The following TTC27 variants were observed in gnomAD, a reference collection of about 807,000 sequenced individuals.
TTC27 encodes tetratricopeptide repeat protein 27.
TTC27 carries 79 observed loss-of-function variants against 115.9 expected under a neutral mutation model. The observed-to-expected ratio is 0.68, with a 90% CI of 0.57 to 0.82. TTC27 has a LOEUF of 0.82. Ranked by LOEUF, TTC27 falls within the 40% of genes least tolerant of loss-of-function variation. The pLI, the probability that TTC27 is intolerant of heterozygous loss-of-function variation, is 0.00. For missense variants in TTC27, 1,054 were observed against 993.1 expected, an observed-to-expected ratio of 1.06 and a Z score of -0.82; for synonymous variants, 401 against 356.0, an observed-to-expected ratio of 1.13 and a Z score of -1.42.
intron 12 of TTC27, among the ~76,000 whole-genome samples, chr2:32,738,239 A>G (rs1395920745): frequency 6.6e-6 from 1 of 152,124 alleles, no homozygotes; most frequent in African/African-American, 2.4e-5. Context: ...AGCCTGCTTC[A>G]TGCTAGCTTT....
At chr2:32,790,936 A>G (rs1670514072) in intron 16 of TTC27, among the ~76,000 whole-genome samples, 1 of 152,178 alleles carries the variant, frequency 6.6e-6, no homozygotes, top group Non-Finnish European at 1.5e-5. Context: ...CTATTAGAAT[A>G]TCTCTTATTT....
intron 10 of TTC27, among the ~76,000 whole-genome samples, chr2:32,724,202 A>G (rs1326618932): frequency 6.6e-6 from 1 of 151,970 alleles, no homozygotes; most frequent in Non-Finnish European, 1.5e-5. Context: ...AAGGCATAAG[A>G]GCTTGTACTT....
At chr2:32,645,741 G>C (rs1664828790) in intron 4 of TTC27, among the ~76,000 whole-genome samples, 1 of 151,644 alleles carries the variant, frequency 6.6e-6, no homozygotes, top group African/African-American at 2.4e-5. Flanking sequence ...TTTTGAGACA[G>C]AGTTTTACTC....
At position 32,758,395 on chromosome 2, in the gene TTC27, G is replaced by C. The variant is rs1053226665; in HGVS notation, c.1556G>C (p.Trp519Ser). 1.2e-6 allele frequency: 2 copies of C among 1,614,072 alleles called. No individual in the cohort carries two copies. The highest frequency in any genetic ancestry group is 2.7e-5 in the African/African-American group (2 of 74,926). Residue 519 changes from tryptophan to serine, a missense_variant, in exon 13 of 20, where the codon TGG (tryptophan) becomes TCG (serine). Physicochemically the swap from Trp to Ser is radical, Grantham distance 177. Coordinates refer to ENST00000317907, the MANE Select transcript of TTC27 (RefSeq NM_017735.5). Reference protein sequence around the residue: ...LGDHSCYDKAWELSRYRSARA... With the variant: ...LGDHSCYDKASELSRYRSARA... ...GACCATTCTTGCTATGACAAGGCCT[G>C]GGAGTTGTCCCGGTACCGCAGTGCT...
intron 5 of TTC27, among the ~76,000 whole-genome samples, chr2:32,657,029 A>T (rs894963046): frequency 7.3e-6 from 1 of 137,258 alleles, no homozygotes; most frequent in Non-Finnish European, 1.5e-5. Flanking sequence ...TCTGTTGCCC[A>T]GGCTGGAGTA....
intron 12 of TTC27, among the ~76,000 whole-genome samples, chr2:32,743,139 G>T (rs1001572663): frequency 6.6e-6 from 1 of 151,886 alleles, no homozygotes; most frequent in Non-Finnish European, 1.5e-5. Flanking sequence ...ATAGTTGTTG[G>T]TCTGCCAATT....
intron 16 of TTC27, among the ~76,000 whole-genome samples, chr2:32,790,128 T>G (rs1427130440): frequency 6.6e-6 from 1 of 152,010 alleles, no homozygotes; most frequent in African/African-American, 2.4e-5. Flanking sequence ...AAACATATTT[T>G]AGTGGTCATA....
intron 5 of TTC27, among the ~76,000 whole-genome samples, chr2:32,657,123 C>G (rs1665353922): frequency 6.6e-6 from 1 of 151,636 alleles, no homozygotes; most frequent in Non-Finnish European, 1.5e-5. Flanking sequence ...GAAGCTGGGA[C>G]TACAGGTGCC....
rs183985625 is a variant in TTC27, at chr2:32,650,002, G to A, written c.538-129G>A. 291 of 704,216 alleles carry A rather than the reference G, an allele frequency of 4.1e-4. 2 individuals are homozygous for A. The East Asian group carries it at 6.8e-3, about 17-fold the overall frequency. 43.6% of individuals were successfully genotyped at this position (704,216 alleles called of 1,614,324 possible). On this transcript the variant is annotated intron_variant, in intron 4 of 19. Coordinates refer to ENST00000317907, the MANE Select transcript of TTC27 (RefSeq NM_017735.5). ...TGGTATTATTACTGAAGAGAGTAGT[G>A]GATGGGTAATCTTATTGAGGAATAA... is the stretch of plus-strand genomic sequence containing the variant.
At chr2:32,774,248 T>C (rs1479055868) in intron 13 of TTC27, among the ~76,000 whole-genome samples, 1 of 151,566 alleles carries the variant, frequency 6.6e-6, no homozygotes, top group Non-Finnish European at 1.5e-5. Context: ...GTGGCGTGAT[T>C]GTGGCTCACT....
intron 7 of TTC27, among the ~76,000 whole-genome samples, chr2:32,669,621 A>G (rs1665932355): frequency 2.0e-5 from 3 of 152,116 alleles, no homozygotes; most frequent in Admixed American, 1.3e-4. Flanking sequence ...GTGGTGGCTC[A>G]CGCCTGTAGT....
At chr2:32,717,410 A>G (rs1470713902) in intron 10 of TTC27, among the ~76,000 whole-genome samples, 1 of 152,216 alleles carries the variant, frequency 6.6e-6, no homozygotes, top group Non-Finnish European at 1.5e-5. Context: ...CTCCGTGTCT[A>G]AGTGTTTGCC....
intron 10 of TTC27, among the ~76,000 whole-genome samples, chr2:32,712,132 G>A (rs999365908): frequency 3.3e-5 from 5 of 152,168 alleles, no homozygotes; most frequent in African/African-American, 1.2e-4. Context: ...TACACTGAAG[G>A]CTTCAACGGC....
chr2:32,687,179 T>G (rs1250640367), intron 9 of TTC27, among the ~76,000 whole-genome samples: 1 of 152,206 alleles, frequency 6.6e-6, no homozygotes, highest in East Asian at 1.9e-4. Flanking sequence ...TAGAAGGCAT[T>G]CAAGGGTGAA....
chr2:32,758,243 AT>A, intron 12 of TTC27, 48 bp from the exon 13 acceptor site: 2 of 1,516,900 alleles, frequency 1.3e-6, no homozygotes, highest in South Asian at 1.2e-5. Context: ...AAAAAAAAAA[AT>A]AGCAGTTAAT....
At chr2:32,748,020 C>T (rs1668887006) in intron 12 of TTC27, among the ~76,000 whole-genome samples, 1 of 150,944 alleles carries the variant, frequency 6.6e-6, no homozygotes, top group Admixed American at 6.6e-5. Context: ...GTTTGCTGTT[C>T]TTTTTCTAGT....
intron 12 of TTC27, among the ~76,000 whole-genome samples, chr2:32,757,197 T>A (rs3769572): frequency 0.39 from 59,136 of 151,924 alleles, 11,957 homozygotes; most frequent in South Asian, 0.55. Context: ...CTTTATAAAT[T>A]CCACAGTGAT....
chr2:32,775,436 G>T (rs1669964393), intron 13 of TTC27, among the ~76,000 whole-genome samples: 1 of 152,172 alleles, frequency 6.6e-6, no homozygotes, highest in Admixed American at 6.5e-5. Context: ...CTGACCTCGT[G>T]ATCCACCTGC....
Position 32,726,221 on chromosome 2 carries a change from G to A in TTC27, c.1234-7607G>A, listed in dbSNP as rs182068056. On this transcript the variant is annotated intron_variant, in intron 10 of 19. Transcript: ENST00000317907. ...CTCCTGGTTACTTATGCAAATTTCTGCAGCTGGCTTGAATTTCTCCTCAGA... is the reference window on the plus strand; with the variant it reads ...CTCCTGGTTACTTATGCAAATTTCTACAGCTGGCTTGAATTTCTCCTCAGA... 7.7e-3 allele frequency among the ~76,000 whole-genome samples: 1,176 copies of A among 152,304 alleles called. 11 individuals are homozygous for A. The highest frequency in any genetic ancestry group is 0.014 in the Middle Eastern group (4 of 294).
Sources: allele counts gnomAD v4.1 joint callset (sites outside exome capture counted in the v4.1 genomes callset), GRCh38; gene constraint gnomAD v4.1.1; transcripts MANE v1.5; gene names NCBI Gene and HGNC (gene_info 2026-07-23, HGNC 2026-07-21).